The following ADGRG7 variants were observed in gnomAD, a reference collection of about 807,000 sequenced individuals.
ADGRG7 encodes the protein G-protein coupled receptor 128.
ADGRG7 carries 82 observed loss-of-function variants against 88.6 expected under a neutral mutation model. The ratio of observed to expected loss-of-function variants is 0.93; its 90% CI spans 0.77 to 1.11. The LOEUF (loss-of-function observed/expected upper bound fraction) is 1.11. Ranked by LOEUF, ADGRG7 falls within the 50% of genes most tolerant of loss-of-function variation. ADGRG7 has a pLI of 0.00. For synonymous variants in ADGRG7, 381 were observed against 345.2 expected, an observed-to-expected ratio of 1.10 and a Z score of -1.15; for missense variants, 945 against 953.4, an observed-to-expected ratio of 0.99 and a Z score of 0.12.
At chr3:100,646,798 A>T (rs2149026465) in intron 10 of ADGRG7, 74 bp downstream of exon 10, 1 of 1,226,960 alleles carries the variant, frequency 8.2e-7, no homozygotes, top group East Asian at 2.4e-5. Flanking sequence ...TGCTCCTTGG[A>T]GATAACTTTG....
At chr3:100,642,119 C>G (rs144162651) in intron 6 of ADGRG7, among the ~76,000 whole-genome samples, 9 of 152,314 alleles carry the variant, frequency 5.9e-5, no homozygotes, top group African/African-American at 2.2e-4. Context: ...TCCTGTATAT[C>G]TACCACATCT....
rs1444383626 is a variant in ADGRG7 at position 100,649,939 on chromosome 3, A to AT, written c.1379+135dup. The AT allele has an allele frequency of 1.2e-5, 6 of 482,484 alleles. No individual in the cohort carries two copies. The Admixed American group carries it at 1.6e-4, about 13-fold the overall frequency. 29.9% of individuals were successfully genotyped at this position (482,484 alleles called of 1,614,324 possible). A position where few individuals can be genotyped will look rare whatever the true frequency, so the allele number is the denominator to read the frequency against. On this transcript the variant is annotated intron_variant, in intron 11 of 15. Transcript: ENST00000273352. ...AGGTACTTATTTTACAGAGGAGGAC[A>AT]TTTAGGCCTGGAAAGGCTAAGAAAT...
rs148792002 is a variant in ADGRG7, at chr3:100,655,125, G to C, written c.1670G>C (p.Arg557Thr). The change falls in exon 12 of 16, where the codon AGG (arginine) becomes ACG (threonine). Residue 557 changes from arginine to threonine, a missense_variant. Transcript: ENST00000273352. ...GCACAGCTCTATTACCTTCTAATAA[G>C]GACCATGAAGCCTCTTCCTCGGCAT... ...SAAQLYYLLI[R>T]TMKPLPRHFI... 140 of 1,613,674 alleles carry C rather than the reference G, an allele frequency of 8.7e-5. No individual in the cohort carries two copies. The highest frequency in any genetic ancestry group is 1.1e-4 in the Non-Finnish European group (129 of 1,179,814).
intron 1 of ADGRG7, among the ~76,000 whole-genome samples, chr3:100,628,877 T>C (rs1707418441): frequency 6.6e-6 from 1 of 152,174 alleles, no homozygotes; most frequent in African/African-American, 2.4e-5. Flanking sequence ...TCATTTCCCA[T>C]ACTCCTTCAC....
Position 100,688,431 on chromosome 3 carries a change from T to A in ADGRG7, c.2137-6313T>A, listed in dbSNP as rs754546454. On this transcript the variant is annotated intron_variant, in intron 15 of 15. Transcript: ENST00000273352. ...TGCCTTCTGCTGGCTTTTGAATGTG[T>A]TTGCTCTTGCTTCTCTAGTTCTTTT... is the stretch of plus-strand genomic sequence containing the variant. Among the ~76,000 whole-genome samples, 769 of 152,294 alleles carry A rather than the reference T, an allele frequency of 5.0e-3. 16 individuals carry two copies. The highest frequency in any genetic ancestry group is 0.031 in the Admixed American group (480 of 15,296).
At chr3:100,633,620 G>C (rs1288143986) in intron 4 of ADGRG7, among the ~76,000 whole-genome samples, 2 of 152,102 alleles carry the variant, frequency 1.3e-5, no homozygotes, top group Admixed American at 1.3e-4. Flanking sequence ...TGCCTCCCAG[G>C]TTGAAGCAAT....
intron 1 of ADGRG7, among the ~76,000 whole-genome samples, chr3:100,612,816 C>T (rs1280983053): frequency 6.6e-6 from 1 of 152,202 alleles, no homozygotes; most frequent in Non-Finnish European, 1.5e-5. Flanking sequence ...TTCAGTCCTG[C>T]AAGAGATTTC....
chr3:100,617,236 G>C (rs1483756035), intron 1 of ADGRG7, among the ~76,000 whole-genome samples: 1 of 151,456 alleles, frequency 6.6e-6, no homozygotes, highest in Non-Finnish European at 1.5e-5. Flanking sequence ...CTTTTTTATT[G>C]TACTTTAAGT....
At chr3:100,664,193 T>C (rs1213131525) in intron 14 of ADGRG7, among the ~76,000 whole-genome samples, 1 of 152,180 alleles carries the variant, frequency 6.6e-6, no homozygotes, top group African/African-American at 2.4e-5. Flanking sequence ...AAATCTGGAA[T>C]ACTGAAGTGT....
intron 15 of ADGRG7, among the ~76,000 whole-genome samples, chr3:100,678,014 C>T (rs970463779): frequency 6.6e-6 from 1 of 152,084 alleles, no homozygotes; most frequent in Non-Finnish European, 1.5e-5. Flanking sequence ...AAACTTTCTA[C>T]ACTGACCTCT....
At chr3:100,694,108 A>T (rs914293401) in intron 15 of ADGRG7, among the ~76,000 whole-genome samples, 1 of 152,188 alleles carries the variant, frequency 6.6e-6, no homozygotes. Flanking sequence ...AGCTTGTTGT[A>T]TTGGGTTGAT....
Position 100,646,640 on chromosome 3 carries a change from C to T in ADGRG7, c.1182C>T (p.Asp394=), listed in dbSNP as rs777205968. ...GGAATTTGTCAGCGAAGGACTGGGACACATATGGCTGTCAAAAAGACAAGG... is the reference window on the plus strand; with the variant it reads ...GGAATTTGTCAGCGAAGGACTGGGATACATATGGCTGTCAAAAAGACAAGG... ...VYWNLSAKDW[D]TYGCQKDKGT... Residue 394 remains aspartate (D), a synonymous_variant, in exon 10 of 16, where the codon GAC becomes GAT. Coordinates refer to ENST00000273352, the MANE Select transcript of ADGRG7 (RefSeq NM_032787.3). 1 of 1,614,000 alleles carries T rather than the reference C, an allele frequency of 6.2e-7. No individual in the cohort carries two copies. Among genetic ancestry groups the T allele is most frequent in the South Asian group, 1.1e-5 (1 of 91,084 alleles).
chr3:100,640,950 C>T (rs966146293), intron 6 of ADGRG7, among the ~76,000 whole-genome samples: 8 of 152,186 alleles, frequency 5.3e-5, no homozygotes, highest in African/African-American at 1.9e-4. Flanking sequence ...CTAGCACTGA[C>T]CACCTGTACA....
chr3:100,612,750 C>CCCGCTTATCT (rs1362743036), intron 1 of ADGRG7, among the ~76,000 whole-genome samples: 1 of 152,068 alleles, frequency 6.6e-6, no homozygotes, highest in African/African-American at 2.4e-5. Flanking sequence ...TTTCTTTATC[C>CCCGCTTATCT]CCGCTTATCT....
At chr3:100,615,986 T>C (rs1707219515) in intron 1 of ADGRG7, among the ~76,000 whole-genome samples, 1 of 152,070 alleles carries the variant, frequency 6.6e-6, no homozygotes, top group Admixed American at 6.6e-5. Context: ...AACACTATCA[T>C]CTGTTCAGAG....
chr3:100,669,154 TATC>T (rs1448387318), intron 15 of ADGRG7, 49 bp downstream of exon 15: 1 of 1,378,286 alleles, frequency 7.3e-7, no homozygotes, highest in South Asian at 1.9e-5. Context: ...GTGGTGGAGA[TATC>T]ATCTTGATAT....
Position 100,694,996 on chromosome 3 carries a change from AT to A in ADGRG7, c.2390del (p.Ile797ThrfsTer4). ...LSESDNAKES[I>X] ...TGAAAGTGACAATGCAAAGGAAAGC[AT>A]CTAGACAGTAAAACTTACCTGTTGT... On this transcript the variant is annotated frameshift_variant, in exon 16 of 16. Coordinates refer to ENST00000273352, the MANE Select transcript of ADGRG7 (RefSeq NM_032787.3). LOFTEE classifies it high-confidence loss of function. The A allele has an allele frequency of 6.2e-7, 1 of 1,613,376 alleles. No homozygotes were observed. Among genetic ancestry groups the A allele is most frequent in the Non-Finnish European group, 8.5e-7 (1 of 1,179,476 alleles).
intron 10 of ADGRG7, among the ~76,000 whole-genome samples, chr3:100,648,994 A>G (rs562380771): frequency 2.0e-5 from 3 of 152,182 alleles, no homozygotes; most frequent in Non-Finnish European, 4.4e-5. Flanking sequence ...AAAAATTAAC[A>G]GGGTATGAGC....
At chr3:100,666,184 A>T (rs988533502) in intron 14 of ADGRG7, among the ~76,000 whole-genome samples, 2 of 151,796 alleles carry the variant, frequency 1.3e-5, no homozygotes, top group African/African-American at 4.8e-5. Context: ...TGTTTCTCGT[A>T]AGGTGGAATG....
Sources: allele counts gnomAD v4.1 joint callset (sites outside exome capture counted in the v4.1 genomes callset), GRCh38; gene constraint gnomAD v4.1.1; transcripts MANE v1.5; gene names NCBI Gene and HGNC (gene_info 2026-07-23, HGNC 2026-07-21).